Variants in EXOC3L2 observed in about 807,000 individuals in gnomAD.
The protein encoded by EXOC3L2 is exocyst complex component 3-like protein 2.
Under a neutral mutation model 44.4 loss-of-function variants are expected in EXOC3L2, and 17 were observed. That is an observed-to-expected ratio of 0.38 (90% CI 0.26 to 0.57). The LOEUF (loss-of-function observed/expected upper bound fraction) is 0.57, where lower values mean the gene tolerates loss of function less well. EXOC3L2 is among the 20% of genes least tolerant of loss of function. The pLI, the probability that EXOC3L2 is intolerant of heterozygous loss-of-function variation, is 0.65. For missense variants in EXOC3L2, 541 were observed against 588.4 expected (o/e 0.92, Z 0.83); for synonymous variants, 256 against 253.7 (o/e 1.01, Z -0.09).
At chr19:45,239,876 G>T (rs975932107) in intron 1 of EXOC3L2, among the ~76,000 whole-genome samples, 2 of 151,926 alleles carry the variant, frequency 1.3e-5, no homozygotes, top group Non-Finnish European at 2.9e-5. Flanking sequence ...CAGGCTGAGA[G>T]GGGGGAAGGC....
At chr19:45,228,546 C>T (rs1460470685) in intron 4 of EXOC3L2, among the ~76,000 whole-genome samples, 1 of 152,064 alleles carries the variant, frequency 6.6e-6, no homozygotes, top group African/African-American at 2.4e-5. Context: ...CTGAGGTTGG[C>T]GGATCACCTA....
rs1461828001 is a variant in EXOC3L2 at position 45,218,185 on chromosome 19, A to G, written c.1842+12T>C. 3 of 566,688 alleles carry G rather than the reference A, an allele frequency of 5.3e-6. No individual in the cohort carries two copies. Among genetic ancestry groups the G allele is most frequent in the Admixed American group, 1.4e-4 (1 of 7,366 alleles). The allele number at this position is 566,688 out of a possible 1,614,324, so 35.1% of individuals were successfully genotyped here. ...CCCCACCCCCACCTCCCCTCCCCTC[A>G]GGCAGGTGCACCTGGTAAGGCTCGT... On this transcript the variant is annotated intron_variant, in intron 9 of 11. Coordinates refer to ENST00000413988, the MANE Select transcript of EXOC3L2 (RefSeq NM_001382422.1).
chr19:45,231,684 G>A, intron 4 of EXOC3L2, 79 bp downstream of exon 4: 6 of 1,232,304 alleles, frequency 4.9e-6, no homozygotes, highest in South Asian at 4.0e-5. Context: ...GAAAGGTGGA[G>A]GGGACAGGCT....
At chr19:45,216,465 A>G (rs1015839333) in intron 10 of EXOC3L2, among the ~76,000 whole-genome samples, 2 of 151,970 alleles carry the variant, frequency 1.3e-5, no homozygotes, top group African/African-American at 4.8e-5. Context: ...TGTAATCCCA[A>G]CTACTCAGGA....
intron 4 of EXOC3L2, among the ~76,000 whole-genome samples, chr19:45,228,676 G>T (rs572883052): frequency 8.5e-4 from 130 of 152,242 alleles, no homozygotes; most frequent in African/African-American, 3.0e-3. Flanking sequence ...GGAGGCAGAG[G>T]CAGGAGAATT....
intron 6 of EXOC3L2, 24 bp from the exon 7 acceptor site, chr19:45,227,796 T>C: frequency 1.3e-6 from 2 of 1,598,772 alleles, no homozygotes; most frequent in Non-Finnish European, 1.7e-6. Context: ...AGGGGACAGA[T>C]AGGGCGCCAC....
chr19:45,233,880 G>A (rs537015278), intron 3 of EXOC3L2, among the ~76,000 whole-genome samples: 1 of 152,332 alleles, frequency 6.6e-6, no homozygotes, highest in Admixed American at 6.5e-5. Context: ...GGGACTGGAA[G>A]GGTGGACAGC....
intron 4 of EXOC3L2, among the ~76,000 whole-genome samples, 178 bp downstream of exon 4, chr19:45,231,585 A>T (rs1425524513): frequency 6.6e-6 from 1 of 151,864 alleles, no homozygotes; most frequent in Non-Finnish European, 1.5e-5. Flanking sequence ...CTGAACCTTT[A>T]CCAAGTGTCT....
Position 45,235,842 on chromosome 19 carries a change from G to T in EXOC3L2, c.524-1016C>A, listed in dbSNP as rs888201327. 4.6e-5 allele frequency among the ~76,000 whole-genome samples: 7 copies of T among 152,188 alleles called. No individual in the cohort carries two copies. In the South Asian group the frequency reaches 1.4e-3, roughly 31 times the overall value. On this transcript the variant is annotated intron_variant, in intron 2 of 11. Coordinates refer to ENST00000413988, the MANE Select transcript of EXOC3L2 (RefSeq NM_001382422.1). ...TGGCCAGAACGTGGAGGGCATCAGA[G>T]GACAGAAAAGGCTCTCCTGAGGTCC...
At position 45,231,245 on chromosome 19, in the gene EXOC3L2, G is replaced by A. The variant is rs186838400; in HGVS notation, c.1269+518C>T. 4.9e-4 allele frequency among the ~76,000 whole-genome samples: 74 copies of A among 152,200 alleles called. 1 individual carries two copies. Among genetic ancestry groups the A allele is most frequent in the African/African-American group, 1.7e-3 (71 of 41,540 alleles). ...AAACATCACTGTAGCCGGGGACGGC[G>A]TGCATGGCTGGGCCATTCTGCTCAG... On this transcript the variant is annotated intron_variant, in intron 4 of 11. Coordinates refer to ENST00000413988, the MANE Select transcript of EXOC3L2 (RefSeq NM_001382422.1).
rs911385339 is a variant in EXOC3L2, at chr19:45,234,035, G to A, written c.1157+158C>T. Among the ~76,000 whole-genome samples the A allele has an allele frequency of 1.3e-5, 2 of 152,198 alleles. No homozygotes were observed. Among genetic ancestry groups the A allele is most frequent in the African/African-American group, 2.4e-5 (1 of 41,454 alleles). ...TCGGTAGCAGTGAGAGTCTAGGATT[G>A]TAACTGTCAGCGGTGCTGACGACTG... On this transcript the variant is annotated intron_variant, in intron 3 of 11. Transcript: ENST00000413988. The surrounding 1 kb of genome is among the most constrained non-coding windows in gnomAD (Gnocchi z 5.0).
At chr19:45,214,425 G>A (rs759023098) in intron 11 of EXOC3L2, among the ~76,000 whole-genome samples, 1 of 152,126 alleles carries the variant, frequency 6.6e-6, no homozygotes, top group Non-Finnish European at 1.5e-5. Flanking sequence ...TGGTGGTGTG[G>A]TGTGCTGATC....
At chr19:45,217,838 G>A (rs2089689308) in intron 9 of EXOC3L2, among the ~76,000 whole-genome samples, 155 bp from the exon 10 acceptor site, 1 of 151,536 alleles carries the variant, frequency 6.6e-6, no homozygotes, top group Admixed American at 6.6e-5. Flanking sequence ...CCCAGCCCCT[G>A]AGCTATCCTA....
chr19:45,229,728 C>T (rs1291954572), intron 4 of EXOC3L2, among the ~76,000 whole-genome samples: 3 of 149,636 alleles, frequency 2.0e-5, no homozygotes, highest in Admixed American at 2.0e-4. Flanking sequence ...GCCTGTAATC[C>T]CAGCTACTTG....
At chr19:45,222,655 T>G (rs1969910581) in intron 8 of EXOC3L2, among the ~76,000 whole-genome samples, 1 of 152,116 alleles carries the variant, frequency 6.6e-6, no homozygotes, top group Non-Finnish European at 1.5e-5. Flanking sequence ...AAAACATACA[T>G]AGTGGTTTAT....
At position 45,238,824 on chromosome 19, in the gene EXOC3L2, GC is replaced by G. The variant is rs1970106085; in HGVS notation, c.221del (p.Gly74AlafsTer59). 1 of 398,834 alleles carries G rather than the reference GC, an allele frequency of 2.5e-6. No individual in the cohort carries two copies. Among genetic ancestry groups the G allele is most frequent in the Non-Finnish European group, 4.4e-6 (1 of 226,002 alleles). 24.7% of individuals were successfully genotyped at this position (398,834 alleles called of 1,614,324 possible). ...LAPFRLGWAP[G>X]RRAGSPGDGQ... ...CATCCCCAGGGCTGCCTGCCCGCCG[GC>G]CCGGGGCCCAGCCCAGCCGGAAGGG... On this transcript the variant is annotated frameshift_variant, in exon 2 of 12. Coordinates refer to ENST00000413988, the MANE Select transcript of EXOC3L2 (RefSeq NM_001382422.1). LOFTEE classifies it high-confidence loss of function. The surrounding 1 kb of genome is among the most constrained non-coding windows in gnomAD (Gnocchi z 5.5).
intron 1 of EXOC3L2, 96 bp from the exon 2 acceptor site, chr19:45,239,157 C>T (rs1216410253): frequency 9.6e-5 from 38 of 396,740 alleles, no homozygotes; most frequent in Non-Finnish European, 1.6e-4. Context: ...GTGAGCGTAC[C>T]AGACACTTGC....
chr19:45,234,254 G>C lies in EXOC3L2; in HGVS notation c.1096C>G (p.Arg366Gly). 2.5e-6 allele frequency: 1 copy of C among 396,112 alleles called. No homozygotes were observed. The highest frequency in any genetic ancestry group is 3.6e-5 in the East Asian group (1 of 27,928). 24.5% of individuals were successfully genotyped at this position (396,112 alleles called of 1,614,324 possible). The change falls in exon 3 of 12, where the codon CGC becomes GGC. Residue 366 changes from arginine (R) to glycine (G), a missense_variant. Physicochemically the swap from Arg to Gly is moderately radical, Grantham distance 125. Coordinates refer to ENST00000413988, the MANE Select transcript of EXOC3L2 (RefSeq NM_001382422.1). This position sits in a 1 kb window ranked among gnomAD's most constrained non-coding sequence, Gnocchi z 5.0. ...TAGCGGTCGGCCAGCGGCAGCCTGC[G>C]ACGGGCGGAGGCCCCCAGCCACTCG... ...LAEWLGASAR[R>G]RLPLADRYAL...
rs144226760 is a variant in EXOC3L2, at chr19:45,232,954, G to T, written c.1158-1080C>A. On this transcript the variant is annotated intron_variant, in intron 3 of 11. Transcript: ENST00000413988. The stretch of plus-strand genomic sequence containing the variant: ...AATTAGGCCGGGCACAGTGGCTCAT[G>T]CGTGTAATCCCAACACTTTGGGAGT... Among the ~76,000 whole-genome samples, 648 of 152,146 alleles carry T rather than the reference G, an allele frequency of 4.3e-3. 10 individuals carry two copies. The highest frequency in any genetic ancestry group is 0.032 in the Admixed American group (488 of 15,252).
Sources: allele counts gnomAD v4.1 joint callset (sites outside exome capture counted in the v4.1 genomes callset), GRCh38; gene constraint gnomAD v4.1.1; non-coding constraint Gnocchi (gnomAD v3.1); transcripts MANE v1.5; gene names NCBI Gene and HGNC (gene_info 2026-07-23, HGNC 2026-07-21).